Variants in DHX32 observed in about 807,000 individuals in gnomAD.
The protein encoded by DHX32 is putative pre-mRNA-splicing factor ATP-dependent RNA helicase DHX32.
A neutral mutation model predicts 70.0 loss-of-function variants in DHX32; 51 were observed. The ratio of observed to expected loss-of-function variants is 0.73; its 90% CI spans 0.58 to 0.92. The LOEUF is 0.92. DHX32 is among the 40% of genes least tolerant of loss of function. The pLI is 0.00. For synonymous variants in DHX32, 310 were observed against 315.3 expected, an observed-to-expected ratio of 0.98 and a Z score of 0.18; for missense variants, 762 against 891.8, an observed-to-expected ratio of 0.85 and a Z score of 1.85.
rs144389606 is a variant in DHX32 at position 125,838,271 on chromosome 10, G to C, written c.1998C>G (p.Leu666=). 3.9e-4 allele frequency: 631 copies of C among 1,613,828 alleles called. No individual in the cohort carries two copies. The highest frequency in any genetic ancestry group is 5.0e-4 in the Non-Finnish European group (587 of 1,179,954). ...TCTCAGAAATGCTGAATTTATGGAAGAGGACCCACTCTGGCATCTTCTTGG... is the reference window on the plus strand; with the variant it reads ...TCTCAGAAATGCTGAATTTATGGAACAGGACCCACTCTGGCATCTTCTTGG... ...SITKKMPEWV[L]FHKFSISENN... Residue 666 remains leucine, a synonymous_variant, in exon 10 of 11, where the codon CTC becomes CTG. Coordinates refer to ENST00000284690, the MANE Select transcript of DHX32 (RefSeq NM_018180.3).
intron 1 of DHX32, among the ~76,000 whole-genome samples, chr10:125,892,361 G>C (rs1944376566): frequency 1.3e-5 from 2 of 152,310 alleles, no homozygotes; most frequent in African/African-American, 4.8e-5. Flanking sequence ...TTTGAGTGTT[G>C]CCAGTGATCC....
At position 125,852,179 on chromosome 10, in the gene DHX32, G is replaced by GC. The variant is rs1054454167; in HGVS notation, c.1351+113dup. The GC allele has an allele frequency of 2.3e-6, 3 of 1,321,686 alleles. No homozygotes were observed. The African/African-American group carries it at 4.4e-5, about 20-fold the overall frequency. The allele number at this position is 1,321,686 out of a possible 1,614,324, so 81.9% of individuals were successfully genotyped here. A position where few individuals can be genotyped will look rare whatever the true frequency, so the allele number is the denominator to read the frequency against. On this transcript the variant is annotated intron_variant, in intron 6 of 10. Coordinates refer to ENST00000284690, the MANE Select transcript of DHX32 (RefSeq NM_018180.3). ...GGAAAATGCTTCAGTCCAAACCAAC[G>GC]CCCCCTCCATGCTTGTGTGCATTGC...
chr10:125,847,549 C>T (rs1443419212), intron 6 of DHX32, among the ~76,000 whole-genome samples: 2 of 152,304 alleles, frequency 1.3e-5, no homozygotes, highest in East Asian at 1.9e-4. Flanking sequence ...GGTCCCCAAA[C>T]TTTTTGGCAC....
chr10:125,854,062 C>T lies in DHX32; in HGVS notation c.991G>A (p.Val331Ile). Residue 331 changes from valine (V) to isoleucine (I), a missense_variant, in exon 4 of 11, where the codon GTT becomes ATT. Physicochemically the swap from Val to Ile is conservative, Grantham distance 29. This residue lies in a region of DHX32 where 394 missense variants were observed against 473.1 expected (regional missense o/e 0.83). Transcript: ENST00000284690. ...PLDETEKRCQ[V>I]YQRRVVLTTS... ...GTTAACACCACTCTTCTTTGATAAA[C>T]TTGGCATCTTTTTTCTGTTTCATCG... 1 of 1,614,084 alleles carries T rather than the reference C, an allele frequency of 6.2e-7. No homozygotes were observed. The highest frequency in any genetic ancestry group is 1.1e-5 in the South Asian group (1 of 91,082).
chr10:125,856,255 C>G (rs184516335), intron 3 of DHX32, among the ~76,000 whole-genome samples: 1 of 152,362 alleles, frequency 6.6e-6, no homozygotes, highest in East Asian at 1.9e-4. Flanking sequence ...TAGCAGACAT[C>G]TAGCTCACCA....
intron 6 of DHX32, among the ~76,000 whole-genome samples, chr10:125,848,400 C>A (rs1944050525): frequency 6.6e-6 from 1 of 152,180 alleles, no homozygotes; most frequent in East Asian, 1.9e-4. Flanking sequence ...CCCCAGGATA[C>A]AAGAGGGCAG....
intron 1 of DHX32, among the ~76,000 whole-genome samples, chr10:125,892,045 T>C (rs1044031606): frequency 6.6e-6 from 1 of 152,136 alleles, no homozygotes; most frequent in African/African-American, 2.4e-5. Context: ...TTATGGGACC[T>C]CCCAACGTAT....
chr10:125,841,393 A>G (rs1275889651), intron 7 of DHX32: 13 of 1,609,472 alleles, frequency 8.1e-6, no homozygotes, highest in East Asian at 4.5e-5. Context: ...AATGAAGCCA[A>G]TAGGAAATAA....
intron 1 of DHX32, among the ~76,000 whole-genome samples, chr10:125,873,891 C>T (rs1944269581): frequency 6.6e-6 from 1 of 152,194 alleles, no homozygotes; most frequent in Non-Finnish European, 1.5e-5. Context: ...TACAGATGTT[C>T]TAAGTCATAC....
intron 1 of DHX32, among the ~76,000 whole-genome samples, chr10:125,873,416 A>G (rs1236946184): frequency 2.0e-5 from 3 of 152,186 alleles, no homozygotes; most frequent in Non-Finnish European, 4.4e-5. Flanking sequence ...GATCATCAGG[A>G]CGTCCATCAG....
chr10:125,885,315 TG>T (rs1944335920), upstream of DHX32, among the ~76,000 whole-genome samples: 1 of 152,164 alleles, frequency 6.6e-6, no homozygotes. Flanking sequence ...CCTATGAATA[TG>T]TACTTTGCAT....
upstream of DHX32, among the ~76,000 whole-genome samples, chr10:125,884,572 T>C (rs563372990): frequency 2.9e-4 from 44 of 152,320 alleles, no homozygotes; most frequent in African/African-American, 9.9e-4. Flanking sequence ...AAATAATACA[T>C]ATCTAATTAA....
intron 3 of DHX32, among the ~76,000 whole-genome samples, chr10:125,857,102 G>A (rs1381008167): frequency 6.6e-6 from 1 of 152,234 alleles, no homozygotes; most frequent in African/African-American, 2.4e-5. Flanking sequence ...GGGGGGAAAT[G>A]ATCAATAGCT....
At chr10:125,880,416 T>C in intron 1 of DHX32, 127 bp downstream of exon 1, 2 of 988,182 alleles carry the variant, frequency 2.0e-6, no homozygotes, top group East Asian at 2.8e-5. Flanking sequence ...TTTAATTATT[T>C]TATCTGAATA....
Position 125,867,116 on chromosome 10 carries a change from T to A in DHX32, c.350A>T (p.Gln117Leu), listed in dbSNP as rs1944225188. Residue 117 changes from glutamine (Q) to leucine (L), a missense_variant, in exon 2 of 11, where the codon CAG becomes CTG. By Grantham distance (113) the Gln-to-Leu change is moderately radical. This residue lies in a region of DHX32 where 394 missense variants were observed against 473.1 expected (regional missense o/e 0.83). Transcript: ENST00000284690. ...CTGGACCACAGTCTGCTTGTGGACCTGTGTGCATATCACGCCCCCGTGCTG... is the reference window on the plus strand; with the variant it reads ...CTGGACCACAGTCTGCTTGTGGACCAGTGTGCATATCACGCCCCCGTGCTG... ...HYQHGGVICT[Q>L]VHKQTVVQLA... 2 of 1,614,190 alleles carry A rather than the reference T, an allele frequency of 1.2e-6. No individual in the cohort carries two copies. The highest frequency in any genetic ancestry group is 2.2e-5 in the East Asian group (1 of 44,876).
intron 1 of DHX32, among the ~76,000 whole-genome samples, chr10:125,877,793 T>C (rs1160370974): frequency 6.6e-6 from 1 of 152,164 alleles, no homozygotes; most frequent in East Asian, 1.9e-4. Context: ...TTCAGAAAGC[T>C]ACTGACATTA....
intron 1 of DHX32, among the ~76,000 whole-genome samples, chr10:125,887,339 T>C (rs79893421): frequency 6.6e-6 from 1 of 152,196 alleles, no homozygotes. Flanking sequence ...AAATTCTTTG[T>C]CTATGATATG....
chr10:125,873,820 G>A (rs1038825633), intron 1 of DHX32, among the ~76,000 whole-genome samples: 1 of 152,182 alleles, frequency 6.6e-6, no homozygotes, highest in African/African-American at 2.4e-5. Flanking sequence ...TTGGTTTTGA[G>A]TGAATACAGG....
chr10:125,863,155 A>G (rs1337969785), intron 2 of DHX32, among the ~76,000 whole-genome samples: 1 of 151,790 alleles, frequency 6.6e-6, no homozygotes, highest in Non-Finnish European at 1.5e-5. Flanking sequence ...TCCAGTTCTA[A>G]AAACAGAAAA....
Sources: gnomAD v4.1 joint callset for allele counts (sites outside exome capture counted in the v4.1 genomes callset) on GRCh38, gnomAD v4.1.1 for gene constraint, gnomAD v4.1.1 regional missense constraint, MANE v1.5 for transcripts, NCBI Gene and HGNC (gene_info 2026-07-23, HGNC 2026-07-21) for gene names.